ITFG2: variants seen among roughly 807,000 people sequenced by gnomAD.
ITFG2 encodes integrin alpha FG-GAP repeat containing 2, also known as KICSTOR complex protein ITFG2.
In ITFG2, 36 loss-of-function variants were observed where a neutral mutation model predicts 54.4. The observed-to-expected ratio is 0.66, with a 90% CI of 0.51 to 0.87. The LOEUF is 0.87. Ranked by LOEUF, ITFG2 falls within the 40% of genes least tolerant of loss-of-function variation. The pLI, the probability that ITFG2 is intolerant of heterozygous loss-of-function variation, is 0.00. For missense variants in ITFG2, 524 were observed against 576.7 expected (o/e 0.91, Z 0.94); for synonymous variants, 211 against 225.4 (o/e 0.94, Z 0.57).
At chr12:2,854,001 T>A (rs1431503209) in intron 2 of ITFG2, among the ~76,000 whole-genome samples, 1 of 152,228 alleles carries the variant, frequency 6.6e-6, no homozygotes, top group African/African-American at 2.4e-5. Flanking sequence ...CCTGAATTTC[T>A]GTAACGACAT....
At chr12:2,821,835 CACATGGAGAGATG>C (rs1228002234) in intron 9 of ITFG2, 43 bp downstream of exon 9, 1 of 1,425,988 alleles carries the variant, frequency 7.0e-7, no homozygotes, top group Non-Finnish European at 9.9e-7. Context: ...CTGCGTTTTC[CACATGGAGAGATG>C]AGATTTGGAA....
chr12:2,848,469 T>C lies in ITFG2; in HGVS notation n.300+7474T>C, dbSNP rs115129967. Among the ~76,000 whole-genome samples the C allele has an allele frequency of 4.4e-3, 670 of 152,358 alleles. 8 individuals carry two copies. Among genetic ancestry groups the C allele is most frequent in the African/African-American group, 0.014 (593 of 41,580 alleles). ...CAAGGCCTCTGGGCTGACTGCTCTT[T>C]TGGCATAAGTCCTCCACACCCTTCC... On this transcript the variant is annotated intron_variant and non_coding_transcript_variant, in intron 2 of 3. Coordinates refer to the ITFG2 transcript ENST00000537710.
At chr12:2,855,519 G>C (rs1378498663) in intron 2 of ITFG2, 3 of 1,183,998 alleles carry the variant, frequency 2.5e-6, no homozygotes, top group Non-Finnish European at 3.3e-6. Flanking sequence ...GAGGCACTCC[G>C]CTCTCCTTCC....
intron 2 of ITFG2, chr12:2,855,164 T>G (rs1196428270): frequency 2.6e-6 from 4 of 1,521,030 alleles, no homozygotes; most frequent in Non-Finnish European, 3.5e-6. Flanking sequence ...CGCCAGACAT[T>G]GCTATCGTAG....
At chr12:2,827,587 C>G (rs758453087), downstream of ITFG2, 5 of 1,613,382 alleles carry the variant, frequency 3.1e-6, no homozygotes, top group Non-Finnish European at 4.2e-6. This position sits in a 1 kb window ranked among gnomAD's most constrained non-coding sequence, Gnocchi z 4.0. Flanking sequence ...ACTACTTTTT[C>G]CCAGTGCTTT....
upstream of ITFG2, among the ~76,000 whole-genome samples, chr12:2,832,888 C>A (rs1391785382): frequency 6.6e-6 from 1 of 151,598 alleles, no homozygotes; most frequent in Non-Finnish European, 1.5e-5. Flanking sequence ...TTGCTCCTGG[C>A]AGCAAGGCTG....
At chr12:2,830,525 C>T (rs1166057594) in intron 2 of ITFG2, 13 of 567,888 alleles carry the variant, frequency 2.3e-5, no homozygotes, top group African/African-American at 1.5e-4. Context: ...GGAGTTGCAC[C>T]GAGGAGACAT....
chr12:2,859,358 G>T (rs771185980), intron 3 of ITFG2: 1 of 1,613,912 alleles, frequency 6.2e-7, no homozygotes, highest in Non-Finnish European at 8.5e-7. Context: ...AGACACACCG[G>T]GTTGGGGACC....
chr12:2,855,130 T>C, intron 2 of ITFG2: 1 of 1,532,914 alleles, frequency 6.5e-7, no homozygotes, highest in Non-Finnish European at 8.7e-7. Flanking sequence ...GGGGCATCTG[T>C]GGGCATTGGA....
downstream of ITFG2, among the ~76,000 whole-genome samples, chr12:2,829,693 G>C (rs527322539): frequency 8.5e-5 from 13 of 152,268 alleles, no homozygotes; most frequent in African/African-American, 2.6e-4. Context: ...CTTGAGTCCA[G>C]GAGGTTGAGG....
chr12:2,855,557 T>A, intron 2 of ITFG2: 1 of 835,412 alleles, frequency 1.2e-6, no homozygotes, highest in Non-Finnish European at 1.7e-6. Flanking sequence ...AGCCCAGGAT[T>A]CTCATGAGGA....
intron 2 of ITFG2, chr12:2,857,289 G>A: frequency 1.9e-6 from 1 of 524,970 alleles, no homozygotes; most frequent in Non-Finnish European, 3.4e-6. Context: ...AGCAGGGCAG[G>A]CTGGCTCCCA....
rs2097945517 is a variant in ITFG2 at position 2,821,743 on chromosome 12, C to A, written c.899C>A (p.Ser300Ter). 6.2e-7 allele frequency: 1 copy of A among 1,614,170 alleles called. No individual in the cohort carries two copies. Among genetic ancestry groups the A allele is most frequent in the South Asian group, 1.1e-5 (1 of 91,082 alleles). ...EMEEADKLLWSVQVDHQLFAL... is the reference protein window; with the variant it reads ...EMEEADKLLW ...GAAGAAGCAGACAAGCTGCTGTGGT[C>A]AGTGCAGGTGGATCACCAGCTCTTT... Residue 300 changes from serine (S) to a stop codon, truncating the protein, a stop_gained, in exon 9 of 12, where the codon TCA becomes TAA. Transcript: ENST00000228799. LOFTEE classifies it high-confidence loss of function.
intron 3 of ITFG2, 24 bp from the exon 4 acceptor site, chr12:2,818,082 C>T: frequency 6.2e-7 from 1 of 1,613,136 alleles, no homozygotes; most frequent in Non-Finnish European, 8.5e-7. Context: ...CAGTCCATCT[C>T]TACTATACCT....
chr12:2,843,178 G>A (rs990209543), intron 2 of ITFG2, among the ~76,000 whole-genome samples: 1 of 152,184 alleles, frequency 6.6e-6, no homozygotes, highest in African/African-American at 2.4e-5. Flanking sequence ...TCTTGAACCC[G>A]TGGAGGGTTA....
At chr12:2,822,970 G>T in intron 10 of ITFG2, 59 bp downstream of exon 10, 1 of 1,304,028 alleles carries the variant, frequency 7.7e-7, no homozygotes, top group Non-Finnish European at 1.1e-6. Context: ...GGCGTGTTAG[G>T]CATGCCAGGG....
rs559995707 is a variant in ITFG2, at chr12:2,824,359, C to T, written c.*166C>T. 2.3e-4 allele frequency: 175 copies of T among 747,306 alleles called. No individual in the cohort carries two copies. The African/African-American group carries it at 2.8e-3, about 12-fold the overall frequency. The allele number at this position is 747,306 out of a possible 1,614,324, so 46.3% of individuals were successfully genotyped here. On this transcript the variant is annotated 3_prime_UTR_variant, in exon 12 of 12. Transcript: ENST00000228799. ...CCTAGGGTGACCGTGAACTATAGAC[C>T]TCGCAGTCTTTTCGGTGAAAGAAGA...
At chr12:2,832,747 C>A (rs1193045168), upstream of ITFG2, among the ~76,000 whole-genome samples, 1 of 149,382 alleles carries the variant, frequency 6.7e-6, no homozygotes, top group African/African-American at 2.5e-5. Context: ...GGCTCAGCAT[C>A]TAGTAGGCAC....
downstream of ITFG2, chr12:2,828,248 T>A (rs553936756): frequency 6.4e-5 from 82 of 1,273,868 alleles, 1 homozygote; most frequent in South Asian, 9.1e-4. Context: ...TATGCAACTG[T>A]CGTCACTATC....
Sources: allele counts gnomAD v4.1 joint callset (sites outside exome capture counted in the v4.1 genomes callset), GRCh38; gene constraint gnomAD v4.1.1; non-coding constraint Gnocchi (gnomAD v3.1); transcripts MANE v1.5; gene names NCBI Gene and HGNC (gene_info 2026-07-23, HGNC 2026-07-21).